The following MACROD1 variants were observed in gnomAD, a reference collection of about 807,000 sequenced individuals.
The protein encoded by MACROD1 is mono-ADP ribosylhydrolase 1, also known as ADP-ribose glycohydrolase MACROD1.
MACROD1 carries 31 observed loss-of-function variants against 41.4 expected under a neutral mutation model. The observed-to-expected ratio is 0.75, with a 90% CI of 0.56 to 1.01. MACROD1 has a LOEUF of 1.01. MACROD1 is among the 50% of genes least tolerant of loss of function. The pLI is 0.00. For synonymous variants in MACROD1, 252 were observed against 203.4 expected, an observed-to-expected ratio of 1.24 and a Z score of -2.03; for missense variants, 473 against 460.0, an observed-to-expected ratio of 1.03 and a Z score of -0.26.
In MACROD1 at chr11:64,067,458, G is replaced by T. The variant is rs962495021; in HGVS notation, c.518-52177C>A. Among the ~76,000 whole-genome samples the T allele has an allele frequency of 6.6e-6, 1 of 152,122 alleles. No homozygotes were observed. Among genetic ancestry groups the T allele is most frequent in the African/African-American group, 2.4e-5 (1 of 41,412 alleles). ...GGCCCAGGTGACAGCCAGCACAGACGCCCAGCTCAGATAACAGAAGGGAGG... is the reference window on the plus strand; with the variant it reads ...GGCCCAGGTGACAGCCAGCACAGACTCCCAGCTCAGATAACAGAAGGGAGG... On this transcript the variant is annotated intron_variant, in intron 3 of 10. Coordinates refer to ENST00000255681, the MANE Select transcript of MACROD1 (RefSeq NM_014067.4). The surrounding 1 kb of genome is among the most constrained non-coding windows in gnomAD (Gnocchi z 4.6).
chr11:64,135,723 C>T (rs1221045810), intron 3 of MACROD1, among the ~76,000 whole-genome samples: 1 of 152,174 alleles, frequency 6.6e-6, no homozygotes, highest in Non-Finnish European at 1.5e-5. Flanking sequence ...TTGCAGCCTT[C>T]CCCGCGCCAG....
At chr11:64,130,247 A>G (rs1206208144) in intron 3 of MACROD1, among the ~76,000 whole-genome samples, 1 of 152,128 alleles carries the variant, frequency 6.6e-6, no homozygotes, top group Admixed American at 6.5e-5. Context: ...GCCAAGAGGC[A>G]CCTTAAGTCC....
At chr11:64,157,570 A>T (rs1465151910) in intron 1 of MACROD1, among the ~76,000 whole-genome samples, 1 of 152,204 alleles carries the variant, frequency 6.6e-6, no homozygotes, top group African/African-American at 2.4e-5. Flanking sequence ...TTGTAAAAAG[A>T]TGTCCGCAGT....
intron 3 of MACROD1, among the ~76,000 whole-genome samples, chr11:64,119,453 G>C (rs979707492): frequency 1.4e-4 from 21 of 152,254 alleles, no homozygotes; most frequent in African/African-American, 4.8e-4. Flanking sequence ...CACCTTAACA[G>C]CTACTTTCTG....
chr11:64,069,617 CT>C (rs1277340611), intron 3 of MACROD1, among the ~76,000 whole-genome samples: 1 of 152,148 alleles, frequency 6.6e-6, no homozygotes, highest in Non-Finnish European at 1.5e-5. Flanking sequence ...CTGCTGATGC[CT>C]CCTGCAGTGG....
chr11:64,125,455 C>T (rs1485913228), intron 3 of MACROD1, among the ~76,000 whole-genome samples: 3 of 152,226 alleles, frequency 2.0e-5, no homozygotes, highest in Non-Finnish European at 2.9e-5. Flanking sequence ...ACCAACGGAA[C>T]GAGGCCGCCT....
intron 3 of MACROD1, among the ~76,000 whole-genome samples, chr11:64,078,785 A>AG (rs1326821877): frequency 5.9e-5 from 7 of 117,836 alleles, no homozygotes; most frequent in African/African-American, 2.0e-4. Flanking sequence ...GGGTGACTGC[A>AG]GGGGGGGAGG....
intron 3 of MACROD1, among the ~76,000 whole-genome samples, chr11:64,027,260 G>A (rs1397503304): frequency 6.6e-6 from 1 of 152,196 alleles, no homozygotes; most frequent in African/African-American, 2.4e-5. Flanking sequence ...CCACAGTCAT[G>A]GGGTGTCATG....
intron 5 of MACROD1, 56 bp from the exon 6 acceptor site, chr11:63,999,819 C>G: frequency 6.4e-7 from 1 of 1,558,556 alleles, no homozygotes; most frequent in South Asian, 1.2e-5. Flanking sequence ...TCAGCTCCCT[C>G]GCTTCCCCCT....
At chr11:64,039,725 G>GTTT (rs1943449809) in intron 3 of MACROD1, among the ~76,000 whole-genome samples, 2 of 152,210 alleles carry the variant, frequency 1.3e-5, no homozygotes, top group Non-Finnish European at 2.9e-5. Flanking sequence ...CATCGCTCGA[G>GTTT]GCCCCCAGAG....
At chr11:64,025,393 C>T (rs769447909) in intron 3 of MACROD1, among the ~76,000 whole-genome samples, 3 of 152,174 alleles carry the variant, frequency 2.0e-5, no homozygotes, top group Non-Finnish European at 4.4e-5. Context: ...CTGTGGCCTC[C>T]TACATAGGCG....
chr11:64,088,437 G>A (rs544434517), intron 3 of MACROD1, among the ~76,000 whole-genome samples: 2 of 152,326 alleles, frequency 1.3e-5, no homozygotes, highest in East Asian at 1.9e-4. Flanking sequence ...TGTGAGCCCT[G>A]CAGGTGCGGC....
chr11:64,070,660 C>T (rs1944091878), intron 3 of MACROD1, among the ~76,000 whole-genome samples: 1 of 152,196 alleles, frequency 6.6e-6, no homozygotes, highest in African/African-American at 2.4e-5. Context: ...CCTCAGGGGC[C>T]TCCCAGCTGA....
intron 3 of MACROD1, among the ~76,000 whole-genome samples, chr11:64,078,731 G>C (rs1394166009): frequency 1.3e-5 from 2 of 151,878 alleles, no homozygotes; most frequent in Non-Finnish European, 2.9e-5. Context: ...CTCAGGGAGG[G>C]CACCCCAAGC....
intron 3 of MACROD1, among the ~76,000 whole-genome samples, chr11:64,089,212 T>C (rs1369773738): frequency 6.6e-6 from 1 of 152,128 alleles, no homozygotes; most frequent in African/African-American, 2.4e-5. Context: ...GCTGAGGGGC[T>C]GGCATTGCAC....
At chr11:64,126,440 G>A (rs1167878835) in intron 3 of MACROD1, among the ~76,000 whole-genome samples, 1 of 152,160 alleles carries the variant, frequency 6.6e-6, no homozygotes, top group Non-Finnish European at 1.5e-5. Context: ...GGAGCCAGGA[G>A]GTAAGTGTGA....
intron 3 of MACROD1, among the ~76,000 whole-genome samples, chr11:64,046,419 C>T (rs1006515225): frequency 1.1e-4 from 16 of 152,172 alleles, no homozygotes; most frequent in African/African-American, 1.7e-4. Context: ...TGCTGGGGTG[C>T]GAGGCTGCCC....
intron 3 of MACROD1, among the ~76,000 whole-genome samples, chr11:64,016,876 G>T (rs1040325968): frequency 2.0e-5 from 3 of 152,220 alleles, no homozygotes; most frequent in African/African-American, 4.8e-5. Context: ...ACCACAATGG[G>T]GTGCCCAGGC....
intron 3 of MACROD1, chr11:64,118,571 T>C (rs760797014): frequency 5.5e-6 from 2 of 366,310 alleles, no homozygotes; most frequent in Non-Finnish European, 1.0e-5. Context: ...CTAAAAATAA[T>C]ATTGCAGGCA....
Sources: allele counts gnomAD v4.1 joint callset (sites outside exome capture counted in the v4.1 genomes callset), GRCh38; gene constraint gnomAD v4.1.1; non-coding constraint Gnocchi (gnomAD v3.1); transcripts MANE v1.5; gene names NCBI Gene and HGNC (gene_info 2026-07-23, HGNC 2026-07-21).